The following ARHGEF40 variants were observed in gnomAD, a reference collection of about 807,000 sequenced individuals.
The protein encoded by ARHGEF40 is Rho guanine nucleotide exchange factor (GEF) 40.
ARHGEF40 carries 98 observed loss-of-function variants against 165.9 expected under a neutral mutation model. The ratio of observed to expected loss-of-function variants is 0.59; its 90% confidence interval spans 0.50 to 0.70. The LOEUF (loss-of-function observed/expected upper bound fraction) is 0.70. Ranked by LOEUF, ARHGEF40 falls within the 30% of genes least tolerant of loss-of-function variation. ARHGEF40 has a pLI of 0.00. For synonymous variants in ARHGEF40, 792 were observed against 814.3 expected (o/e 0.97, Z 0.47); for missense variants, 1,815 against 1,968.0 (o/e 0.92, Z 1.47).
chr14:21,071,680 T>TGGGTTG (rs1177241430), intron 1 of ARHGEF40, among the ~76,000 whole-genome samples: 21 of 148,156 alleles, frequency 1.4e-4, no homozygotes, highest in African/African-American at 4.7e-4. Flanking sequence ...CCGCCCCTAA[T>TGGGTTG]GGGTTGCAGC....
chr14:21,089,103 T>G lies in ARHGEF40; in HGVS notation c.*95T>G, dbSNP rs1270822350. ...GCATAATGGAGCCCTGGGCGATCGC[T>G]GAATTTCTTCCCTCTGCTTCCTGGA... On this transcript the variant is annotated 3_prime_UTR_variant, in exon 24 of 24. Transcript: ENST00000298694. 1 of 496,524 alleles carries G rather than the reference T, an allele frequency of 2.0e-6. No homozygotes were observed. Among genetic ancestry groups the G allele is most frequent in the East Asian group, 3.3e-5 (1 of 29,964 alleles). The allele number at this position is 496,524 out of a possible 1,614,324, so 30.8% of individuals were successfully genotyped here.
intron 11 of ARHGEF40, 110 bp downstream of exon 11, chr14:21,079,120 A>G (rs1887670651): frequency 1.4e-5 from 19 of 1,404,578 alleles, no homozygotes; most frequent in Non-Finnish European, 1.8e-5. Context: ...GCTTGGTTGA[A>G]CGCCCCTCCC....
chr14:21,062,708 AGTGT>A, the ARHGEF40 span, among the ~76,000 whole-genome samples: 402 of 131,038 alleles, frequency 3.1e-3, 2 homozygotes, highest in Admixed American at 8.5e-3. Context: ...GGCTGGGCAC[AGTGT>A]GTGTGTGTGT....
rs764838993 is a variant in ARHGEF40, at chr14:21,078,450, G to T, written c.2208G>T (p.Gly736=). 3.1e-6 allele frequency: 5 copies of T among 1,609,486 alleles called. No individual in the cohort carries two copies. The highest frequency in any genetic ancestry group is 4.2e-6 in the Non-Finnish European group (5 of 1,177,252). ...PRLTALQRDG[G]AILMRLRSTP... ...TGACGGCACTGCAGAGGGATGGGGG[G>T]GCCATCCTGATGAGGCTGCGCTCCA... Residue 736 remains glycine (G), a synonymous_variant, in exon 10 of 24, where the codon GGG becomes GGT. Transcript: ENST00000298694.
upstream of ARHGEF40, chr14:21,070,165 G>C (rs914947712): frequency 4.2e-6 from 1 of 235,514 alleles, no homozygotes. The surrounding 1 kb of genome is among the most constrained non-coding windows in gnomAD (Gnocchi z 4.7). Context: ...CCCGGCAAGG[G>C]GTCCCGCGCG....
rs779257680 is a variant in ARHGEF40 at position 21,079,032 on chromosome 14, CCT to C, written c.2373+25_2373+26del. 2.5e-6 allele frequency: 4 copies of C among 1,604,826 alleles called. No individual in the cohort carries two copies. In the African/African-American group the frequency reaches 5.3e-5, roughly 21 times the overall value. The stretch of plus-strand genomic sequence containing the variant: ...GCAGGTGAGCCAGGATCCCCACGTC[CCT>C]CTTACTCAGCCTGGGAGTGTGGCCT... On this transcript the variant is annotated intron_variant, in intron 11 of 23. Coordinates refer to ENST00000298694, the MANE Select transcript of ARHGEF40 (RefSeq NM_018071.5).
At chr14:21,087,272 G>A in intron 20 of ARHGEF40, 48 bp from the exon 21 acceptor site, 1 of 1,591,068 alleles carries the variant, frequency 6.3e-7, no homozygotes. Context: ...GGAGCCAAGA[G>A]GGCTTTCCCA....
chr14:21,069,517 G>T (rs1271922840), upstream of ARHGEF40, among the ~76,000 whole-genome samples: 1 of 152,212 alleles, frequency 6.6e-6, no homozygotes, highest in Non-Finnish European at 1.5e-5. Context: ...CTCAGAAAAT[G>T]TCCGGCGAAA....
chr14:21,088,795 T>C (rs1201755201), intron 22 of ARHGEF40, 35 bp from the exon 23 acceptor site: 5 of 1,520,120 alleles, frequency 3.3e-6, no homozygotes, highest in African/African-American at 1.7e-5. Context: ...ACAAGAAATA[T>C]GTCCCTAAAT....
In ARHGEF40 at chr14:21,075,813, A is replaced by G. The variant is rs771068985; in HGVS notation, c.1739+48A>G. ...ACCCTGGACACTAACCTCCTGATTCATGAGGACCCTCACCTCCTTCTTCTC... is the reference window on the plus strand; with the variant it reads ...ACCCTGGACACTAACCTCCTGATTCGTGAGGACCCTCACCTCCTTCTTCTC... On this transcript the variant is annotated intron_variant, in intron 5 of 23. Transcript: ENST00000298694. This position sits in a 1 kb window ranked among gnomAD's most constrained non-coding sequence, Gnocchi z 4.5. 2 of 1,590,176 alleles carry G rather than the reference A, an allele frequency of 1.3e-6. No individual in the cohort carries two copies. The highest frequency in any genetic ancestry group is 1.7e-6 in the Non-Finnish European group (2 of 1,166,712).
At chr14:21,066,732 T>C (rs1413247697), upstream of ARHGEF40, among the ~76,000 whole-genome samples, 1 of 152,236 alleles carries the variant, frequency 6.6e-6, no homozygotes, top group Non-Finnish European at 1.5e-5. Flanking sequence ...GAAACTAATG[T>C]GCTAGCACAG....
rs374757174 is a variant in ARHGEF40, at chr14:21,075,711, C to A, written c.1685C>A (p.Pro562Gln). The change falls in exon 5 of 24, where the codon CCA becomes CAA. Residue 562 changes from proline to glutamine, a missense_variant. Coordinates refer to ENST00000298694, the MANE Select transcript of ARHGEF40 (RefSeq NM_018071.5). The surrounding 1 kb of genome is among the most constrained non-coding windows in gnomAD (Gnocchi z 4.5). ...CCACCGTGCCCTCCTGAGGAGCCCC[C>A]ACCCTCCCGAGACACGCTGAACACA... The part of the protein sequence containing the change: ...ITPPCPPEEP[P>Q]PSRDTLNTTL... The A allele has an allele frequency of 6.2e-7, 1 of 1,613,666 alleles. No individual in the cohort carries two copies. Among genetic ancestry groups the A allele is most frequent in the African/African-American group, 1.3e-5 (1 of 74,850 alleles).
At position 21,073,289 on chromosome 14, in the gene ARHGEF40, C is replaced by T; in HGVS notation, c.201+47C>T. The T allele has an allele frequency of 1.3e-6, 2 of 1,546,186 alleles. No homozygotes were observed. The highest frequency in any genetic ancestry group is 1.7e-6 in the Non-Finnish European group (2 of 1,143,430). On this transcript the variant is annotated intron_variant, in intron 2 of 23. Transcript: ENST00000298694. This position sits in a 1 kb window ranked among gnomAD's most constrained non-coding sequence, Gnocchi z 4.6. The stretch of plus-strand genomic sequence containing the variant: ...TTCTGCCTTCCCCAAGATCCACTGC[C>T]ACACTCTACAGACTAGCCAGGCTGA...
chr14:21,072,691 C>T lies in ARHGEF40; in HGVS notation c.4-354C>T, dbSNP rs1887057566. 6.6e-6 allele frequency among the ~76,000 whole-genome samples: 1 copy of T among 152,104 alleles called. No individual in the cohort carries two copies. Among genetic ancestry groups the T allele is most frequent in the African/African-American group, 2.4e-5 (1 of 41,400 alleles). ...CGAGTTCTCAGCCATAAGCTCAGTC[C>T]CCTGATAGCCCAGAAGCCTGTCTTT... On this transcript the variant is annotated intron_variant, in intron 1 of 23. Coordinates refer to ENST00000298694, the MANE Select transcript of ARHGEF40 (RefSeq NM_018071.5). This position sits in a 1 kb window ranked among gnomAD's most constrained non-coding sequence, Gnocchi z 4.1.
the ARHGEF40 span, among the ~76,000 whole-genome samples, chr14:21,064,833 A>T: frequency 6.6e-6 from 1 of 152,164 alleles, no homozygotes; most frequent in Admixed American, 6.5e-5. Flanking sequence ...TTCTACTACA[A>T]TAAGCCTACA....
chr14:21,077,724 G>A (rs551544624), intron 8 of ARHGEF40, among the ~76,000 whole-genome samples: 1 of 152,338 alleles, frequency 6.6e-6, no homozygotes, highest in South Asian at 2.1e-4. Context: ...AGTGTTGTGA[G>A]TATTCAAGAA....
At chr14:21,068,573 C>T (rs1243931460), upstream of ARHGEF40, among the ~76,000 whole-genome samples, 1 of 152,006 alleles carries the variant, frequency 6.6e-6, no homozygotes, top group Admixed American at 6.6e-5. Context: ...TAAACACTGG[C>T]CCCTGTAACC....
chr14:21,072,908 T>G lies in ARHGEF40; in HGVS notation c.4-137T>G. 3.4e-6 allele frequency: 3 copies of G among 889,654 alleles called. No individual in the cohort carries two copies. The highest frequency in any genetic ancestry group is 3.5e-6 in the Non-Finnish European group (2 of 576,524). 55.1% of individuals were successfully genotyped at this position (889,654 alleles called of 1,614,324 possible). On this transcript the variant is annotated intron_variant, in intron 1 of 23. Coordinates refer to ENST00000298694, the MANE Select transcript of ARHGEF40 (RefSeq NM_018071.5). The surrounding 1 kb of genome is among the most constrained non-coding windows in gnomAD (Gnocchi z 4.1). Reference sequence around the variant, plus strand: ...CTGTTCTGGGCTCATCAGCCAGCATTTCCTGAGTGCTCACTTTTTGCCCAC... The same window carrying G: ...CTGTTCTGGGCTCATCAGCCAGCATGTCCTGAGTGCTCACTTTTTGCCCAC...
rs1005220882 is a variant in ARHGEF40, at chr14:21,087,375, C to T, written c.4299C>T (p.Ser1433=). ...AVSSFEHAGP[S]LPGLSPGACS... is the part of the protein sequence containing the mutation. Reference sequence around the variant, plus strand: ...CATCCTTTGAGCATGCCGGCCCCTCCCTTCCCGGCCTTTCGCCGGGAGCCT... The same window carrying T: ...CATCCTTTGAGCATGCCGGCCCCTCTCTTCCCGGCCTTTCGCCGGGAGCCT... The change falls in exon 21 of 24, where the codon TCC becomes TCT. Residue 1433 remains serine, a synonymous_variant. Transcript: ENST00000298694. 4 of 1,604,440 alleles carry T rather than the reference C, an allele frequency of 2.5e-6. No homozygotes were observed. The highest frequency in any genetic ancestry group is 1.1e-5 in the South Asian group (1 of 91,088).
Sources: allele counts gnomAD v4.1 joint callset (sites outside exome capture counted in the v4.1 genomes callset), GRCh38; gene constraint gnomAD v4.1.1; non-coding constraint Gnocchi (gnomAD v3.1); transcripts MANE v1.5; gene names NCBI Gene and HGNC (gene_info 2026-07-23, HGNC 2026-07-21).